TSPAN18: variants seen among roughly 807,000 people sequenced by gnomAD.
TSPAN18 encodes tetraspanin-18.
A neutral mutation model predicts 27.3 loss-of-function variants in TSPAN18; 14 were observed. That is an observed-to-expected ratio of 0.51 (90% CI 0.34 to 0.80). The LOEUF is 0.80. Among genes scored for constraint, TSPAN18 ranks in the 30% least tolerant of loss-of-function variants. The pLI is 0.01. For missense variants in TSPAN18, 268 were observed against 323.9 expected, an observed-to-expected ratio of 0.83 and a Z score of 1.32; for synonymous variants, 143 against 136.5, an observed-to-expected ratio of 1.05 and a Z score of -0.33.
intron 9 of TSPAN18, among the ~76,000 whole-genome samples, chr11:44,928,035 G>A (rs1565025008): frequency 6.6e-6 from 1 of 152,160 alleles, no homozygotes; most frequent in Non-Finnish European, 1.5e-5. Flanking sequence ...GCCCCGTCCC[G>A]GTAGCCCCTC....
intron 3 of TSPAN18, among the ~76,000 whole-genome samples, chr11:44,900,875 A>G (rs912168488): frequency 6.6e-6 from 1 of 151,520 alleles, no homozygotes; most frequent in Non-Finnish European, 1.5e-5. Context: ...TGTTATTTTT[A>G]GTAGAGACAG....
At chr11:44,762,295 A>C (rs1191475724) in intron 1 of TSPAN18, among the ~76,000 whole-genome samples, 1 of 152,240 alleles carries the variant, frequency 6.6e-6, no homozygotes, top group African/African-American at 2.4e-5. Context: ...GATACTGTGC[A>C]GCTATGAAAA....
At chr11:44,914,660 C>T (rs945070881) in intron 5 of TSPAN18, among the ~76,000 whole-genome samples, 1 of 152,174 alleles carries the variant, frequency 6.6e-6, no homozygotes, top group African/African-American at 2.4e-5. Flanking sequence ...GGTGAAGTCC[C>T]AGAGGTACTG....
chr11:44,840,955 A>C (rs917699211), intron 2 of TSPAN18, among the ~76,000 whole-genome samples: 1 of 152,208 alleles, frequency 6.6e-6, no homozygotes, highest in African/African-American at 2.4e-5. Context: ...ACAAGGATGC[A>C]AAGAGCCTGG....
At chr11:44,807,527 CAAAAAAAAAAAAAAAAA>C (rs59241339) in intron 2 of TSPAN18, among the ~76,000 whole-genome samples, 1 of 64,484 alleles carries the variant, frequency 1.6e-5, no homozygotes, top group Non-Finnish European at 2.7e-5. Context: ...AACTCCATCT[CAAAAAAAAAAAAAAAAA>C]AAAAAAAGAA....
intron 2 of TSPAN18, among the ~76,000 whole-genome samples, chr11:44,808,549 A>G (rs955182635): frequency 6.6e-6 from 1 of 152,196 alleles, no homozygotes; most frequent in Non-Finnish European, 1.5e-5. Flanking sequence ...TCTGCAGCAT[A>G]GGAGTGAGTG....
intron 2 of TSPAN18, among the ~76,000 whole-genome samples, chr11:44,809,215 G>A (rs1210673385): frequency 6.6e-6 from 1 of 151,988 alleles, no homozygotes; most frequent in African/African-American, 2.4e-5. Flanking sequence ...AGTTCCCCAG[G>A]AGTTCCTTTA....
intron 4 of TSPAN18, among the ~76,000 whole-genome samples, chr11:44,908,353 A>G (rs1277501532): frequency 6.6e-6 from 1 of 152,142 alleles, no homozygotes; most frequent in African/African-American, 2.4e-5. Context: ...AAGGGATTTC[A>G]AATACTTTAC....
intron 8 of TSPAN18, among the ~76,000 whole-genome samples, chr11:44,924,721 AGG>A (rs1860283435): frequency 1.4e-5 from 2 of 142,942 alleles, no homozygotes; most frequent in Non-Finnish European, 3.0e-5. Context: ...TCTGCATTTT[AGG>A]GTTCTAATGC....
chr11:44,821,421 A>C (rs1324997306), intron 2 of TSPAN18, among the ~76,000 whole-genome samples: 1 of 152,210 alleles, frequency 6.6e-6, no homozygotes, highest in Non-Finnish European at 1.5e-5. Flanking sequence ...CAAACAGTAG[A>C]ATCAGGAAGA....
At chr11:44,904,200 T>C (rs1485642898) in intron 3 of TSPAN18, among the ~76,000 whole-genome samples, 1 of 152,172 alleles carries the variant, frequency 6.6e-6, no homozygotes, top group Non-Finnish European at 1.5e-5. Context: ...TTCCCCTTCC[T>C]AGTAAGAGAA....
intron 3 of TSPAN18, among the ~76,000 whole-genome samples, chr11:44,905,999 A>G (rs559501903): frequency 8.3e-4 from 126 of 152,290 alleles, no homozygotes; most frequent in East Asian, 1.4e-3. Context: ...TTTCTCATCT[A>G]TGAAATGGCC....
At chr11:44,821,524 A>G (rs765562796) in intron 2 of TSPAN18, among the ~76,000 whole-genome samples, 3 of 152,184 alleles carry the variant, frequency 2.0e-5, no homozygotes, top group Non-Finnish European at 4.4e-5. Flanking sequence ...CTCTTGAAGT[A>G]CATCATCTTC....
chr11:44,851,181 C>T (rs549258324), intron 2 of TSPAN18, among the ~76,000 whole-genome samples: 16 of 152,344 alleles, frequency 1.1e-4, no homozygotes, highest in Admixed American at 1.3e-4. Flanking sequence ...TCCTTGGTCA[C>T]GTTCATCACA....
At chr11:44,902,865 C>G (rs1345708979) in intron 3 of TSPAN18, among the ~76,000 whole-genome samples, 2 of 152,158 alleles carry the variant, frequency 1.3e-5, no homozygotes, top group Non-Finnish European at 2.9e-5. Context: ...CAGGAGAACA[C>G]GACTGTGGGT....
chr11:44,826,871 T>C (rs1393400848), intron 2 of TSPAN18, among the ~76,000 whole-genome samples: 2 of 152,206 alleles, frequency 1.3e-5, no homozygotes, highest in Non-Finnish European at 2.9e-5. Flanking sequence ...TTCTGTATAA[T>C]GTCATTTCTC....
At chr11:44,848,093 C>A (rs527593740) in intron 2 of TSPAN18, among the ~76,000 whole-genome samples, 1 of 152,182 alleles carries the variant, frequency 6.6e-6, no homozygotes, top group Non-Finnish European at 1.5e-5. Context: ...ATCTCAGCTT[C>A]CCAAAGTGCT....
intron 2 of TSPAN18, among the ~76,000 whole-genome samples, chr11:44,810,059 G>A (rs752852565): frequency 2.0e-5 from 3 of 152,078 alleles, no homozygotes; most frequent in East Asian, 1.9e-4. Flanking sequence ...CCTTCATCCC[G>A]TATTACCCGT....
chr11:44,897,790 G>T (rs749046157), intron 3 of TSPAN18: 187 of 1,289,236 alleles, frequency 1.5e-4, no homozygotes, highest in Admixed American at 1.3e-3. Context: ...CCTCGCTGAC[G>T]GGAGAGTCTG....
Sources: allele counts gnomAD v4.1 joint callset (sites outside exome capture counted in the v4.1 genomes callset), GRCh38; gene constraint gnomAD v4.1.1; transcripts MANE v1.5; gene names NCBI Gene and HGNC (gene_info 2026-07-23, HGNC 2026-07-21).